The following SNU13 variants were observed in gnomAD, a reference collection of about 807,000 sequenced individuals.
SNU13 encodes NHP2-like protein 1.
A neutral mutation model predicts 12.4 loss-of-function variants in SNU13; 2 were observed. That is an observed-to-expected ratio of 0.16 (90% confidence interval 0.07 to 0.51). SNU13 has a LOEUF of 0.51. SNU13 is among the 20% of genes least tolerant of loss of function. The pLI is 0.96. For missense variants in SNU13, 66 were observed against 157.8 expected (o/e 0.42, Z 3.12); for synonymous variants, 68 against 66.5 (o/e 1.02, Z -0.11).
chr22:41,689,023 G>A (rs2068338339), upstream of SNU13: 14 of 1,277,718 alleles, frequency 1.1e-5, no homozygotes, highest in South Asian at 2.7e-5. Context: ...CTTATGAGCT[G>A]CCTAGTACAA....
chr22:41,680,214 T>C, intron 2 of SNU13, 30 bp downstream of exon 2: 2 of 1,594,042 alleles, frequency 1.3e-6, no homozygotes, highest in Non-Finnish European at 1.7e-6. Context: ...GCCTTTAACA[T>C]TCCCCCAGAG....
chr22:41,685,440 G>C (rs1312319107), intron 1 of SNU13, among the ~76,000 whole-genome samples: 1 of 151,926 alleles, frequency 6.6e-6, no homozygotes, highest in African/African-American at 2.4e-5. Flanking sequence ...CGCAACTTCT[G>C]CCTCCGAGGT....
chr22:41,682,467 A>G lies in SNU13; in HGVS notation c.4-2103T>C, dbSNP rs1221433552. 7 of 1,598,340 alleles carry G rather than the reference A, an allele frequency of 4.4e-6. No individual in the cohort carries two copies. In the Admixed American group the frequency reaches 1.2e-4, roughly 27 times the overall value. On this transcript the variant is annotated intron_variant, in intron 1 of 2. Transcript: ENST00000401959. ...AGGACACGGATGCCCCGCCCCCAAGAGCAGGAAGTGACGCCACTGCCGCCA... is the reference window on the plus strand; with the variant it reads ...AGGACACGGATGCCCCGCCCCCAAGGGCAGGAAGTGACGCCACTGCCGCCA...
At chr22:41,678,679 A>G (rs2068235370) in intron 2 of SNU13, among the ~76,000 whole-genome samples, 1 of 152,118 alleles carries the variant, frequency 6.6e-6, no homozygotes, top group Non-Finnish European at 1.5e-5. Context: ...ATCAAGTGAG[A>G]AGAGAGACCT....
intron 1 of SNU13, chr22:41,688,244 C>T (rs1279966995): frequency 6.6e-6 from 1 of 152,378 alleles, no homozygotes; most frequent in Non-Finnish European, 1.5e-5. Context: ...TCCCCACAGC[C>T]CCCAAATGCC....
upstream of SNU13, chr22:41,689,075 C>T: frequency 1.7e-6 from 2 of 1,182,274 alleles, no homozygotes; most frequent in Non-Finnish European, 2.1e-6. Context: ...AAAAAGTAAC[C>T]CACCGGCCGG....
At chr22:41,676,586 C>T (rs2068216500) in intron 2 of SNU13, among the ~76,000 whole-genome samples, 1 of 150,920 alleles carries the variant, frequency 6.6e-6, no homozygotes, top group African/African-American at 2.4e-5. Context: ...AAACAAACTT[C>T]AGGAGTTATG....
At chr22:41,687,038 C>A (rs1239888327) in intron 1 of SNU13, among the ~76,000 whole-genome samples, 1 of 151,762 alleles carries the variant, frequency 6.6e-6, no homozygotes, top group Non-Finnish European at 1.5e-5. Flanking sequence ...TCACTGCAAC[C>A]CCCGCCTCCC....
intron 1 of SNU13, among the ~76,000 whole-genome samples, chr22:41,684,702 G>T (rs1464209451): frequency 6.6e-6 from 1 of 152,108 alleles, no homozygotes; most frequent in Non-Finnish European, 1.5e-5. Flanking sequence ...TTTCAAAAAC[G>T]TTCCATGTTT....
intron 2 of SNU13, among the ~76,000 whole-genome samples, chr22:41,679,481 G>A (rs985385278): frequency 2.6e-5 from 4 of 151,952 alleles, no homozygotes; most frequent in African/African-American, 9.7e-5. Context: ...ATTTGAACCC[G>A]GGAAGCGGAG....
intron 2 of SNU13, among the ~76,000 whole-genome samples, chr22:41,675,816 T>C (rs973671497): frequency 6.7e-6 from 1 of 150,036 alleles, no homozygotes; most frequent in Non-Finnish European, 1.5e-5. Flanking sequence ...AATGGCGCAA[T>C]CTTGGCTCAT....
At chr22:41,684,745 C>T (rs1298509930) in intron 1 of SNU13, among the ~76,000 whole-genome samples, 5 of 152,210 alleles carry the variant, frequency 3.3e-5, no homozygotes, top group Non-Finnish European at 7.3e-5. Flanking sequence ...TGCAGTGGCT[C>T]AGGCCTATAA....
At chr22:41,688,662 G>T in intron 1 of SNU13, 132 bp downstream of exon 1, 1 of 1,294,810 alleles carries the variant, frequency 7.7e-7, no homozygotes. Context: ...TTCTAACTAA[G>T]GGCCCGGCGG....
intron 1 of SNU13, chr22:41,681,500 T>C (rs891549505): frequency 6.6e-6 from 1 of 152,202 alleles, no homozygotes; most frequent in South Asian, 2.1e-4. Flanking sequence ...CTTTCCTAAA[T>C]GCTGTATTAG....
chr22:41,688,949 C>T (rs2068337160), upstream of SNU13: 8 of 1,383,176 alleles, frequency 5.8e-6, no homozygotes, highest in South Asian at 9.6e-5. Flanking sequence ...GTGGGCCCCG[C>T]CCTCTACGGG....
upstream of SNU13, among the ~76,000 whole-genome samples, chr22:41,690,137 T>A (rs1157766600): frequency 6.6e-6 from 1 of 152,144 alleles, no homozygotes; most frequent in Non-Finnish European, 1.5e-5. Context: ...ACACTGATCC[T>A]AAGATGGGAA....
Position 41,674,028 on chromosome 22 carries a change from C to A in SNU13, c.*905G>T, listed in dbSNP as rs1283477288. 2 of 152,186 alleles carry A rather than the reference C, an allele frequency of 1.3e-5. No individual in the cohort carries two copies. Among genetic ancestry groups the A allele is most frequent in the Non-Finnish European group, 2.9e-5 (2 of 68,030 alleles). The allele number at this position is 152,186 out of a possible 1,614,324, so 9.4% of individuals were successfully genotyped here. A position where few individuals can be genotyped will look rare whatever the true frequency, so the allele number is the denominator to read the frequency against. ...CATGTGACAGAGAGTACATCTGACC[C>A]ACATGGTGGCAGGACACAGGGGAAG... On this transcript the variant is annotated 3_prime_UTR_variant, in exon 3 of 3. Transcript: ENST00000401959.
intron 1 of SNU13, chr22:41,681,221 C>CTGG (rs1451572915): frequency 2.0e-5 from 3 of 152,220 alleles, no homozygotes; most frequent in Admixed American, 2.0e-4. Flanking sequence ...TACCAACAAA[C>CTGG]TCACCAAAGT....
At chr22:41,688,465 C>A in intron 1 of SNU13, 1 of 337,784 alleles carries the variant, frequency 3.0e-6, no homozygotes. Context: ...TTTTCTTCAC[C>A]CAACTTTTTG....
Sources: gnomAD v4.1 joint callset for allele counts (sites outside exome capture counted in the v4.1 genomes callset) on GRCh38, gnomAD v4.1.1 for gene constraint, MANE v1.5 for transcripts, NCBI Gene and HGNC (gene_info 2026-07-23, HGNC 2026-07-21) for gene names.